DOCK7: variants seen among roughly 807,000 people sequenced by gnomAD.
DOCK7 encodes the protein dedicator of cytokinesis protein 7.
In DOCK7, 138 loss-of-function variants were observed where a neutral mutation model predicts 271.0. The ratio of observed to expected loss-of-function variants is 0.51; its 90% CI spans 0.44 to 0.59. The LOEUF (loss-of-function observed/expected upper bound fraction) is 0.59, where lower values mean the gene tolerates loss of function less well. DOCK7 is among the 20% of genes least tolerant of loss of function. DOCK7 has a pLI of 0.00. For synonymous variants in DOCK7, 823 were observed against 876.1 expected (o/e 0.94, Z 1.07); for missense variants, 2,066 against 2,592.4 (o/e 0.80, Z 4.41).
At chr1:62,553,350 ATATATTTTTTTTTTTTTTTTTTTTT>A (rs1235544702) in intron 21 of DOCK7, among the ~76,000 whole-genome samples, 13 of 14,874 alleles carry the variant, frequency 8.7e-4, no homozygotes, top group Admixed American at 1.1e-3. Flanking sequence ...ATATATATAT[ATATATTTTTTTTTTTTTTTTTTTTT>A]TTTTTTTTTT....
intron 15 of DOCK7, chr1:62,584,269 A>G (rs1260661675): frequency 2.1e-6 from 2 of 972,494 alleles, no homozygotes; most frequent in Non-Finnish European, 2.4e-6. Flanking sequence ...TTCCTAAGAT[A>G]TATATTATTT....
intron 7 of DOCK7, among the ~76,000 whole-genome samples, chr1:62,644,660 A>G (rs2149669430): frequency 6.6e-6 from 1 of 152,342 alleles, no homozygotes. Context: ...AGTAGAAATA[A>G]TGTTCTCATC....
At chr1:62,601,838 C>G (rs1389548148) in intron 14 of DOCK7, 1 of 1,609,984 alleles carries the variant, frequency 6.2e-7, no homozygotes, top group African/African-American at 1.3e-5. Context: ...GCCATCAGAC[C>G]CAGCAACTCT....
At position 62,688,326 on chromosome 1, in the gene DOCK7, C is replaced by A; in HGVS notation, c.-62G>T. The A allele has an allele frequency of 9.1e-7, 1 of 1,095,692 alleles. No homozygotes were observed. Among genetic ancestry groups the A allele is most frequent in the Non-Finnish European group, 1.1e-6 (1 of 877,090 alleles). 67.9% of individuals were successfully genotyped at this position (1,095,692 alleles called of 1,614,324 possible). A position where few individuals can be genotyped will look rare whatever the true frequency, so the allele number is the denominator to read the frequency against. On this transcript the variant is annotated 5_prime_UTR_variant, in exon 1 of 50. Transcript: ENST00000635253. Reference sequence around the variant, plus strand: ...GGCGGGCCGGGTGCGGACCGGCGGGCGCGTGCCTCCTCGCTCGTGCTCCCT... The same window carrying A: ...GGCGGGCCGGGTGCGGACCGGCGGGAGCGTGCCTCCTCGCTCGTGCTCCCT...
chr1:62,543,526 G>C, intron 24 of DOCK7, 130 bp downstream of exon 24: 1 of 586,230 alleles, frequency 1.7e-6, no homozygotes, highest in South Asian at 3.3e-5. Flanking sequence ...AGCAATGCTT[G>C]TTCAGATATA....
intron 34 of DOCK7, among the ~76,000 whole-genome samples, chr1:62,508,360 G>C (rs1232349583): frequency 6.6e-6 from 1 of 152,170 alleles, no homozygotes. Context: ...ACTGACACTA[G>C]GTGGTGCTAT....
In DOCK7 at chr1:62,648,259, A is replaced by C. The variant is rs373803183; in HGVS notation, c.579T>G (p.Cys193Trp). ...GTGAATTTTTCAAGTCAAAGATACTACAGGCCCAGCTACCCCTTGGGGTAT... is the reference window on the plus strand; with the variant it reads ...GTGAATTTTTCAAGTCAAAGATACTCCAGGCCCAGCTACCCCTTGGGGTAT... ...IDDTPRGSWA[C>W]SIFDLKNSLP... Residue 193 changes from cysteine (C) to tryptophan (W), a missense_variant, in exon 6 of 50, where the codon TGT becomes TGG. Cys to Trp is a radical substitution (Grantham distance 215). Transcript: ENST00000635253. 66 of 1,613,582 alleles carry C rather than the reference A, an allele frequency of 4.1e-5. No homozygotes were observed. Among genetic ancestry groups the C allele is most frequent in the Non-Finnish European group, 5.4e-5 (64 of 1,179,720 alleles).
At chr1:62,556,027 T>C in intron 20 of DOCK7, 38 bp from the exon 21 acceptor site, 1 of 1,595,554 alleles carries the variant, frequency 6.3e-7, no homozygotes, top group African/African-American at 1.3e-5. Context: ...TTGCTTTAAC[T>C]TTTTTTAGAC....
intron 14 of DOCK7, chr1:62,597,936 C>T: frequency 6.5e-7 from 1 of 1,549,826 alleles, no homozygotes; most frequent in South Asian, 1.3e-5. Flanking sequence ...CAACTCAAAA[C>T]TTGAAAGCCT....
chr1:62,680,886 C>CTG (rs1661045271), intron 1 of DOCK7, among the ~76,000 whole-genome samples: 1 of 152,130 alleles, frequency 6.6e-6, no homozygotes, highest in Non-Finnish European at 1.5e-5. Flanking sequence ...CAGGAAACAA[C>CTG]AGGTGCTGGA....
chr1:62,658,457 C>G (rs1223396141), intron 2 of DOCK7, among the ~76,000 whole-genome samples: 1 of 151,688 alleles, frequency 6.6e-6, no homozygotes, highest in Non-Finnish European at 1.5e-5. Context: ...GAGACTCAGT[C>G]TCCAAAATAA....
At chr1:62,578,735 A>AAC in intron 17 of DOCK7, 93 bp downstream of exon 17, 2 of 1,022,084 alleles carry the variant, frequency 2.0e-6, no homozygotes, top group East Asian at 3.7e-5. Context: ...AAAAAAAAAA[A>AAC]AAAACCCACA....
rs576720480 is a variant in DOCK7 at position 62,604,565 on chromosome 1, G to C, written c.1682+14141C>G. 7 of 1,478,924 alleles carry C rather than the reference G, an allele frequency of 4.7e-6. No individual in the cohort carries two copies. The South Asian group carries it at 6.9e-5, about 15-fold the overall frequency. The allele number at this position is 1,478,924 out of a possible 1,614,324, so 91.6% of individuals were successfully genotyped here. On this transcript the variant is annotated intron_variant, in intron 14 of 49. Coordinates refer to ENST00000635253, the MANE Select transcript of DOCK7 (RefSeq NM_001367561.1). ...TTATAAGAAAGGAAGATAAACTTAC[G>C]GGGAAATACAGTAACAGTAACTACA...
At chr1:62,533,413 T>C (rs1645238938) in intron 29 of DOCK7, among the ~76,000 whole-genome samples, 1 of 145,754 alleles carries the variant, frequency 6.9e-6, no homozygotes, top group South Asian at 2.2e-4. Context: ...GAGTGTTTTT[T>C]CCCCAAATAA....
intron 43 of DOCK7, among the ~76,000 whole-genome samples, chr1:62,479,524 A>T (rs531010551): frequency 6.6e-6 from 1 of 152,316 alleles, no homozygotes; most frequent in East Asian, 1.9e-4. Flanking sequence ...AGCCAAAAGA[A>T]CAACATAATA....
At chr1:62,486,544 A>G (rs1646298744) in intron 43 of DOCK7, 1 of 152,114 alleles carries the variant, frequency 6.6e-6, no homozygotes, top group African/African-American at 2.4e-5. Flanking sequence ...AGAAACGTTT[A>G]AAATAATGGT....
At chr1:62,685,577 C>G (rs527733091) in intron 1 of DOCK7, among the ~76,000 whole-genome samples, 1 of 152,124 alleles carries the variant, frequency 6.6e-6, no homozygotes, top group South Asian at 2.1e-4. Flanking sequence ...GCTGATAACT[C>G]TCAAATCTAG....
chr1:62,609,433 C>G (rs942183809), intron 14 of DOCK7: 1 of 152,110 alleles, frequency 6.6e-6, no homozygotes, highest in Non-Finnish European at 1.5e-5. Context: ...AATACACAGT[C>G]AAACCTCAGT....
intron 31 of DOCK7, among the ~76,000 whole-genome samples, chr1:62,515,466 C>T (rs1443625707): frequency 6.6e-6 from 1 of 152,166 alleles, no homozygotes; most frequent in African/African-American, 2.4e-5. Context: ...ATACACAGCA[C>T]TGACTGAATT....
Sources: allele counts gnomAD v4.1 joint callset (sites outside exome capture counted in the v4.1 genomes callset), GRCh38; gene constraint gnomAD v4.1.1; transcripts MANE v1.5; gene names NCBI Gene and HGNC (gene_info 2026-07-23, HGNC 2026-07-21).